Variants in CFAP20DC observed in about 807,000 individuals in gnomAD.
CFAP20DC encodes protein CFAP20DC.
In CFAP20DC, 84 loss-of-function variants were observed where a neutral mutation model predicts 101.7. The observed-to-expected ratio is 0.83, with a 90% confidence interval of 0.69 to 0.99. The LOEUF is 0.99. Among genes scored for constraint, CFAP20DC ranks in the 50% least tolerant of loss-of-function variants. The probability of loss-of-function intolerance (pLI) is 0.00; values close to 1 mark genes in which losing one functional copy is unlikely to be tolerated. For synonymous variants in CFAP20DC, 359 were observed against 351.2 expected, an observed-to-expected ratio of 1.02 and a Z score of -0.25; for missense variants, 1,007 against 970.3, an observed-to-expected ratio of 1.04 and a Z score of -0.50.
At position 58,974,733 on chromosome 3, in the gene CFAP20DC, G is replaced by T. The variant is rs996842363; in HGVS notation, c.279-36971C>A. On this transcript the variant is annotated intron_variant, in intron 4 of 16. Coordinates refer to ENST00000482387, the MANE Select transcript of CFAP20DC (RefSeq NM_001394063.1). Reference sequence around the variant, plus strand: ...GAAGGTTTCCAGGTGGAGGTTGTTAGGGGGAGGGTGGTTAGTGAAAATGCT... The same window carrying T: ...GAAGGTTTCCAGGTGGAGGTTGTTATGGGGAGGGTGGTTAGTGAAAATGCT... Among the ~76,000 whole-genome samples the T allele has an allele frequency of 7.2e-5, 11 of 152,250 alleles. No homozygotes were observed. In the South Asian group the frequency reaches 2.3e-3, roughly 32 times the overall value.
rs13315950 is a variant in CFAP20DC at position 59,048,797 on chromosome 3, T to C, written c.21+814A>G. 9.9e-3 allele frequency among the ~76,000 whole-genome samples: 1,503 copies of C among 152,252 alleles called. 28 individuals carry two copies. The highest frequency in any genetic ancestry group is 0.034 in the African/African-American group (1,410 of 41,536). On this transcript the variant is annotated intron_variant, in intron 1 of 16. Transcript: ENST00000482387. Reference sequence around the variant, plus strand: ...GTTCATCAGAACAGCAGGACTAGCATGGTAAACAGACTGTAAACAAGGAGT... The same window carrying C: ...GTTCATCAGAACAGCAGGACTAGCACGGTAAACAGACTGTAAACAAGGAGT...
rs573798152 is a variant in CFAP20DC, at chr3:58,736,201, G to C, written c.197+17568C>G. 5.3e-5 allele frequency among the ~76,000 whole-genome samples: 8 copies of C among 152,280 alleles called. No individual in the cohort carries two copies. In the South Asian group the frequency reaches 1.4e-3, roughly 28 times the overall value. Reference sequence around the variant, plus strand: ...TATGCTTACTAAGATTAACCCACAAGAAGATGCTAGTAATATCAATTTCTT... The same window carrying C: ...TATGCTTACTAAGATTAACCCACAACAAGATGCTAGTAATATCAATTTCTT... On this transcript the variant is annotated intron_variant, in intron 3 of 3. Coordinates refer to the CFAP20DC transcript ENST00000486145.
At chr3:59,013,277 G>A (rs1285693791) in intron 4 of CFAP20DC, among the ~76,000 whole-genome samples, 2 of 152,106 alleles carry the variant, frequency 1.3e-5, no homozygotes, top group Non-Finnish European at 2.9e-5. Context: ...AAAAATGGAG[G>A]AGCGTTTGTC....
intron 4 of CFAP20DC, among the ~76,000 whole-genome samples, chr3:58,942,528 C>T (rs924256111): frequency 3.3e-5 from 5 of 152,204 alleles, no homozygotes; most frequent in South Asian, 2.1e-4. Context: ...CCATGAGGAA[C>T]GGTGCATTCT....
intron 15 of CFAP20DC, among the ~76,000 whole-genome samples, chr3:58,755,992 A>T (rs1440605046): frequency 6.6e-6 from 1 of 152,214 alleles, no homozygotes; most frequent in East Asian, 1.9e-4. Flanking sequence ...TTCGAAATTC[A>T]GTGTCCATAA....
intron 4 of CFAP20DC, among the ~76,000 whole-genome samples, chr3:59,029,018 T>C (rs899084369): frequency 6.6e-6 from 1 of 152,212 alleles, no homozygotes; most frequent in African/African-American, 2.4e-5. Context: ...ATACTTCATA[T>C]GTTCCCCACT....
At chr3:58,938,321 C>G (rs1478798456) in intron 4 of CFAP20DC, among the ~76,000 whole-genome samples, 1 of 152,124 alleles carries the variant, frequency 6.6e-6, no homozygotes, top group African/African-American at 2.4e-5. Context: ...CACAGTGATA[C>G]CAAGGACACT....
chr3:58,806,622 A>C (rs1389609847), intron 14 of CFAP20DC, among the ~76,000 whole-genome samples, 166 bp from the exon 15 acceptor site: 1 of 152,218 alleles, frequency 6.6e-6, no homozygotes, highest in African/African-American at 2.4e-5. Context: ...TCCAGTGTAC[A>C]GCTCCCAGCG....
intron 4 of CFAP20DC, among the ~76,000 whole-genome samples, chr3:59,033,077 GC>G (rs988964215): frequency 1.2e-4 from 18 of 152,110 alleles, no homozygotes; most frequent in Non-Finnish European, 2.5e-4. Flanking sequence ...GTGGACCACT[GC>G]AAACTCCAGC....
At chr3:58,951,264 C>A (rs1472664446) in intron 4 of CFAP20DC, among the ~76,000 whole-genome samples, 2 of 152,176 alleles carry the variant, frequency 1.3e-5, no homozygotes, top group African/African-American at 2.4e-5. Context: ...ACAACAGGTG[C>A]TGGAGAGGAT....
chr3:59,010,604 T>A (rs1048574219), intron 4 of CFAP20DC, among the ~76,000 whole-genome samples: 1 of 151,960 alleles, frequency 6.6e-6, no homozygotes. Flanking sequence ...GACAACACAA[T>A]AATAATGGGG....
intron 5 of CFAP20DC, among the ~76,000 whole-genome samples, chr3:58,916,726 C>T (rs1329998338): frequency 1.3e-5 from 2 of 152,000 alleles, no homozygotes; most frequent in African/African-American, 4.8e-5. Flanking sequence ...TTCACAAATC[C>T]CCCTTGGCTA....
At chr3:58,792,004 A>G (rs1196486755) in intron 15 of CFAP20DC, among the ~76,000 whole-genome samples, 1 of 152,210 alleles carries the variant, frequency 6.6e-6, no homozygotes, top group Non-Finnish European at 1.5e-5. Context: ...AGAGCTGGGA[A>G]TATTTGGGGA....
In CFAP20DC at chr3:59,046,286, G is replaced by T. The variant is rs1699855245; in HGVS notation, c.148C>A (p.Leu50Met). The change falls in exon 3 of 17, where the codon CTG becomes ATG. Residue 50 changes from leucine (L) to methionine (M), a missense_variant. Coordinates refer to ENST00000482387, the MANE Select transcript of CFAP20DC (RefSeq NM_001394063.1). ...TTGTTTGTTTGGCTGCTGCCTTCCA[G>T]GACAAACACAAAACTTTTAACTTCT... The part of the protein sequence containing the change: ...DKEVKSFVFV[L>M]EGSSQTNKIQ... 1.3e-6 allele frequency: 2 copies of T among 1,531,214 alleles called. No individual in the cohort carries two copies. Among genetic ancestry groups the T allele is most frequent in the Non-Finnish European group, 1.7e-6 (2 of 1,144,862 alleles). 94.9% of individuals were successfully genotyped at this position (1,531,214 alleles called of 1,614,324 possible).
At chr3:58,756,118 C>A (rs964835336) in intron 15 of CFAP20DC, among the ~76,000 whole-genome samples, 1 of 152,102 alleles carries the variant, frequency 6.6e-6, no homozygotes, top group African/African-American at 2.4e-5. Flanking sequence ...CTGAAAACAT[C>A]TGATGATCCC....
At position 58,912,462 on chromosome 3, in the gene CFAP20DC, GCA is replaced by G. The variant is rs1283240422; in HGVS notation, c.550+1244_550+1245del. The stretch of plus-strand genomic sequence containing the variant: ...CTTTATTATCAAATGAAATTTATAG[GCA>G]CAGTGTCCTGTTCCACAGAGTGAGC... On this transcript the variant is annotated intron_variant, in intron 6 of 16. Transcript: ENST00000482387. This position sits in a 1 kb window ranked among gnomAD's most constrained non-coding sequence, Gnocchi z 4.4. 1 of 244,054 alleles carries G rather than the reference GCA, an allele frequency of 4.1e-6. No homozygotes were observed. The highest frequency in any genetic ancestry group is 1.1e-4 in the East Asian group (1 of 9,210). The allele number at this position is 244,054 out of a possible 1,614,324, so 15.1% of individuals were successfully genotyped here.
intron 5 of CFAP20DC, among the ~76,000 whole-genome samples, chr3:58,919,065 T>G (rs1337837358): frequency 6.6e-6 from 1 of 152,148 alleles, no homozygotes; most frequent in South Asian, 2.1e-4. Context: ...GATGTTTTAA[T>G]TGCCCCAGAC....
In CFAP20DC at chr3:58,869,031, ATGG is replaced by A. The variant is rs1311688889; in HGVS notation, c.1015+294_1015+296del. The stretch of plus-strand genomic sequence containing the variant: ...TAAGCTAAGAACACTTAAAATGCAC[ATGG>A]CATTTCCAAAATACAGTGATAATGG... On this transcript the variant is annotated intron_variant, in intron 9 of 16. Coordinates refer to ENST00000482387, the MANE Select transcript of CFAP20DC (RefSeq NM_001394063.1). This position sits in a 1 kb window ranked among gnomAD's most constrained non-coding sequence, Gnocchi z 4.3. Among the ~76,000 whole-genome samples, 2 of 152,220 alleles carry A rather than the reference ATGG, an allele frequency of 1.3e-5. No homozygotes were observed. The highest frequency in any genetic ancestry group is 4.8e-5 in the African/African-American group (2 of 41,470).
chr3:58,768,404 T>G (rs529127018), intron 15 of CFAP20DC, among the ~76,000 whole-genome samples: 1 of 152,268 alleles, frequency 6.6e-6, no homozygotes, highest in South Asian at 2.1e-4. Flanking sequence ...GAAACCAGTT[T>G]GGGATGATGG....
Sources: gnomAD v4.1 joint callset for allele counts (sites outside exome capture counted in the v4.1 genomes callset) on GRCh38, gnomAD v4.1.1 for gene constraint, Gnocchi (gnomAD v3.1) non-coding constraint, MANE v1.5 for transcripts, NCBI Gene and HGNC (gene_info 2026-07-23, HGNC 2026-07-21) for gene names.